Variants in ZFHX3 observed in about 807,000 individuals in gnomAD.
ZFHX3 encodes the protein zinc finger homeobox protein 3.
Under a neutral mutation model 279.1 loss-of-function variants are expected in ZFHX3, and 42 were observed. The ratio of observed to expected loss-of-function variants is 0.15; its 90% CI spans 0.12 to 0.19. The LOEUF (loss-of-function observed/expected upper bound fraction) is 0.19, where lower values mean the gene tolerates loss of function less well. ZFHX3 is among the 10% of genes least tolerant of loss of function. ZFHX3 has a pLI of 1.00. For synonymous variants in ZFHX3, 2,293 were observed against 1,957.8 expected (o/e 1.17, Z -4.52); for missense variants, 4,981 against 4,754.0 (o/e 1.05, Z -1.40).
Position 72,788,685 on chromosome 16 carries a change from CTGG to C in ZFHX3, c.9588_9590del (p.Gln3204del). 1 of 1,609,576 alleles carries C rather than the reference CTGG, an allele frequency of 6.2e-7. No homozygotes were observed. Among genetic ancestry groups the C allele is most frequent in the Non-Finnish European group, 8.5e-7 (1 of 1,177,854 alleles). On this transcript the variant is annotated inframe_deletion, in exon 10 of 10. Transcript: ENST00000268489. ...GTGGTTGCTGCTGCTGCTGCTGCTG[CTGG>C]GGGGGTTGCTGAGGGCCCATCGCCA...
intron 3 of ZFHX3, among the ~76,000 whole-genome samples, chr16:72,933,952 G>A (rs1959970391): frequency 1.3e-5 from 2 of 151,522 alleles, no homozygotes; most frequent in South Asian, 4.2e-4. Flanking sequence ...CCGAGTAGCT[G>A]GGACTGCAGG....
intron 1 of ZFHX3, among the ~76,000 whole-genome samples, chr16:72,974,209 T>C (rs936091859): frequency 3.3e-5 from 5 of 152,128 alleles, no homozygotes; most frequent in African/African-American, 1.2e-4. Context: ...TGAGAACAAA[T>C]GAAGAACATG....
intron 2 of ZFHX3, chr16:73,499,763 A>C (rs1567502394): frequency 6.6e-6 from 1 of 152,206 alleles, no homozygotes; most frequent in East Asian, 1.9e-4. Context: ...GTCTTTTTAA[A>C]AATATAGTCA....
At chr16:73,568,896 G>T (rs1482304760) in intron 2 of ZFHX3, among the ~76,000 whole-genome samples, 2 of 152,130 alleles carry the variant, frequency 1.3e-5, no homozygotes, top group Non-Finnish European at 2.9e-5. Flanking sequence ...AGCCGTGGGT[G>T]AGCTGCCGGT....
At chr16:72,801,575 G>C (rs183656632) in intron 7 of ZFHX3, among the ~76,000 whole-genome samples, 2 of 152,174 alleles carry the variant, frequency 1.3e-5, no homozygotes, top group Non-Finnish European at 2.9e-5. Context: ...GGTGCAAAAA[G>C]TAAGCAACAG....
intron 8 of ZFHX3, among the ~76,000 whole-genome samples, chr16:73,087,345 C>T (rs62052376): frequency 0.041 from 6,282 of 152,216 alleles, 190 homozygotes; most frequent in African/African-American, 0.093. Flanking sequence ...ATGAAACCAA[C>T]GTACCCAGCG....
chr16:73,509,171 G>C (rs2019379302), intron 2 of ZFHX3, among the ~76,000 whole-genome samples: 1 of 152,170 alleles, frequency 6.6e-6, no homozygotes, highest in African/African-American at 2.4e-5. Flanking sequence ...TACTGGAATG[G>C]AATGCTTTCA....
At chr16:73,308,804 T>A (rs1379430094) in intron 4 of ZFHX3, among the ~76,000 whole-genome samples, 2 of 150,974 alleles carry the variant, frequency 1.3e-5, no homozygotes, top group Non-Finnish European at 2.9e-5. Flanking sequence ...ATTGTTGAGA[T>A]GGGACTAAGT....
chr16:73,533,577 G>A (rs12925509), intron 2 of ZFHX3, among the ~76,000 whole-genome samples: 13,551 of 151,798 alleles, frequency 0.089, 638 homozygotes, highest in South Asian at 0.15. Context: ...GCCTAGCTCA[G>A]ACGTCCCTTC....
At chr16:73,844,918 T>C (rs1306822174) in intron 1 of ZFHX3, among the ~76,000 whole-genome samples, 1 of 151,882 alleles carries the variant, frequency 6.6e-6, no homozygotes, top group Non-Finnish European at 1.5e-5. Context: ...TAGATAGCCC[T>C]CCAACTCTAA....
At chr16:73,652,589 G>C (rs2052682207) in intron 2 of ZFHX3, among the ~76,000 whole-genome samples, 1 of 152,092 alleles carries the variant, frequency 6.6e-6, no homozygotes, top group Admixed American at 6.5e-5. Flanking sequence ...CGAAATTAGT[G>C]ACAATTCTTG....
At chr16:73,101,240 A>G (rs1735120920) in intron 7 of ZFHX3, among the ~76,000 whole-genome samples, 1 of 152,202 alleles carries the variant, frequency 6.6e-6, no homozygotes, top group African/African-American at 2.4e-5. Flanking sequence ...TCAAAATTTC[A>G]AAATTTATTT....
intron 4 of ZFHX3, among the ~76,000 whole-genome samples, chr16:73,308,591 G>A (rs1034588989): frequency 5.9e-5 from 9 of 152,050 alleles, no homozygotes; most frequent in African/African-American, 1.9e-4. Context: ...ACAGGTGTGA[G>A]CCACCACGCC....
intron 2 of ZFHX3, among the ~76,000 whole-genome samples, chr16:73,488,501 G>T (rs8057817): frequency 0.34 from 51,386 of 151,972 alleles, 9,609 homozygotes; most frequent in African/African-American, 0.49. Flanking sequence ...AAAATAGGTG[G>T]TGGTATTGAC....
At position 73,248,112 on chromosome 16, in the gene ZFHX3, AGT is replaced by A. The variant is rs374018677; in HGVS notation, c.-1104+8933_-1104+8934del. 1.4e-3 allele frequency among the ~76,000 whole-genome samples: 187 copies of A among 135,662 alleles called. 2 individuals carry two copies. Among genetic ancestry groups the A allele is most frequent in the South Asian group, 7.6e-3 (31 of 4,070 alleles). The allele number at this position is 135,662 out of a possible 152,430, so 89.0% of individuals were successfully genotyped here. On this transcript the variant is annotated intron_variant, in intron 5 of 17. Coordinates refer to the ZFHX3 transcript ENST00000641206. The stretch of plus-strand genomic sequence containing the variant: ...TGTGTGTATATGTGCCTGTATGTGG[AGT>A]GTGTGTGTATACTGTGTATAAAATG...
chr16:73,739,779 C>A (rs185628619), intron 1 of ZFHX3, among the ~76,000 whole-genome samples: 84 of 152,284 alleles, frequency 5.5e-4, no homozygotes, highest in Non-Finnish European at 3.8e-4. Flanking sequence ...TGGTCCAGGC[C>A]GTGATAAGGC....
intron 2 of ZFHX3, among the ~76,000 whole-genome samples, chr16:72,954,976 C>T (rs2144416533): frequency 6.6e-6 from 1 of 152,182 alleles, no homozygotes; most frequent in East Asian, 1.9e-4. Flanking sequence ...TATAAATGGA[C>T]CATGGGGAAA....
chr16:73,574,603 C>T (rs186938992), intron 2 of ZFHX3, among the ~76,000 whole-genome samples: 12 of 152,254 alleles, frequency 7.9e-5, no homozygotes, highest in East Asian at 3.9e-4. Flanking sequence ...GTTTCTACAG[C>T]GGCAGTGACA....
intron 1 of ZFHX3, among the ~76,000 whole-genome samples, chr16:73,024,950 C>T (rs1189718734): frequency 2.0e-5 from 3 of 152,174 alleles, no homozygotes; most frequent in Admixed American, 1.3e-4. Flanking sequence ...CAATACCCCT[C>T]GGCCTTGACT....
Sources: gnomAD v4.1 joint callset for allele counts (sites outside exome capture counted in the v4.1 genomes callset) on GRCh38, gnomAD v4.1.1 for gene constraint, MANE v1.5 for transcripts, NCBI Gene and HGNC (gene_info 2026-07-23, HGNC 2026-07-21) for gene names.